CAPN12: variants seen among roughly 807,000 people sequenced by gnomAD.
CAPN12 encodes calpain-12.
Under a neutral mutation model 95.0 loss-of-function variants are expected in CAPN12, and 107 were observed. The observed-to-expected ratio is 1.13, with a 90% CI of 0.96 to 1.32. The LOEUF is 1.32. Ranked by LOEUF, CAPN12 falls within the 40% of genes most tolerant of loss-of-function variation. CAPN12 has a pLI of 0.00. For missense variants in CAPN12, 1,136 were observed against 997.8 expected (o/e 1.14, Z -1.87); for synonymous variants, 505 against 415.5 (o/e 1.22, Z -2.62).
chr19:38,735,908 GGGGCGGGGCGGGGCGGGGCGGGGGT>G (rs1281703072), intron 12 of CAPN12, among the ~76,000 whole-genome samples, 177 bp downstream of exon 12: 1 of 4,224 alleles, frequency 2.4e-4, no homozygotes, highest in African/African-American at 6.6e-4. Flanking sequence ...GGGGGTTCTG[GGGGCGGGGCGGGGCGGGGCGGGGGT>G]TCTGGGGGCG....
chr19:38,742,126 C>T, intron 3 of CAPN12: 1 of 644,050 alleles, frequency 1.6e-6, no homozygotes. Context: ...GAATTCGAGA[C>T]CAGCCTGGCT....
chr19:38,736,184 C>T lies in CAPN12; in HGVS notation c.1509G>A (p.Val503=). The change falls in exon 12 of 21, where the codon GTG becomes GTA. Residue 503 remains valine, a synonymous_variant. Coordinates refer to ENST00000328867, the MANE Select transcript of CAPN12 (RefSeq NM_144691.4). ...CCLRPGHYLV[V]PSTAHAGDEA... is the part of the protein sequence containing the mutation. ...CGTCGCCGGCGTGGGCGGTGCTCGG[C>T]ACCACCAGGTAGTGGCCTGGACGCA... The T allele has an allele frequency of 2.0e-6, 3 of 1,513,386 alleles. No individual in the cohort carries two copies. Among genetic ancestry groups the T allele is most frequent in the Middle Eastern group, 1.9e-4 (1 of 5,252 alleles). 93.7% of individuals were successfully genotyped at this position (1,513,386 alleles called of 1,614,324 possible).
At chr19:38,743,011 C>A in intron 2 of CAPN12, 22 bp downstream of exon 2, 1 of 1,613,318 alleles carries the variant, frequency 6.2e-7, no homozygotes, top group Non-Finnish European at 8.5e-7. Context: ...TCTGAGGACT[C>A]CAGGTGGGTT....
chr19:38,736,841 G>A (rs1970212371), intron 10 of CAPN12: 1 of 576,946 alleles, frequency 1.7e-6, no homozygotes, highest in Admixed American at 3.2e-5. Flanking sequence ...TCGTCCCTCT[G>A]TCTGTCCCTG....
At chr19:38,734,933 G>T in intron 14 of CAPN12, 63 bp from the exon 15 acceptor site, 1 of 1,525,972 alleles carries the variant, frequency 6.6e-7, no homozygotes, top group Non-Finnish European at 9.0e-7. Context: ...GCCAAGCCCT[G>T]TGCTAGGGAC....
In CAPN12 at chr19:38,737,287, C is replaced by G; in HGVS notation, c.1231G>C (p.Gly411Arg). Residue 411 changes from glycine to arginine, a missense_variant, in exon 10 of 21, where the codon GGG becomes CGG. By Grantham distance (125) the Gly-to-Arg change is moderately radical. Coordinates refer to ENST00000328867, the MANE Select transcript of CAPN12 (RefSeq NM_144691.4). ...CCCCCCCGCGCTGGGCCCCGTGCCC[C>G]TGCAGCCCCCCAGCCCCCCCAGGGC... ...EGPWGGWGAA[G>R]ARGPARGGRT... is the part of the protein sequence containing the mutation. The G allele has an allele frequency of 9.1e-6, 14 of 1,534,584 alleles. No individual in the cohort carries two copies. The highest frequency in any genetic ancestry group is 1.1e-5 in the Non-Finnish European group (13 of 1,137,256).
rs779945335 is a variant in CAPN12, at chr19:38,734,859, G to A, written c.1698C>T (p.Leu566=). ...GTAAGGCCTGGAGCTGAGAGGCATT[G>A]AGTTCTTCCTCCTAGTCCAGGAAAG... ...FQELAGEEEE[L]NASQLQALLS... is the part of the protein sequence containing the mutation. Residue 566 remains leucine (L), a synonymous_variant, in exon 15 of 21, where the codon CTC becomes CTT. Coordinates refer to ENST00000328867, the MANE Select transcript of CAPN12 (RefSeq NM_144691.4). 31 of 1,612,628 alleles carry A rather than the reference G, an allele frequency of 1.9e-5. No individual in the cohort carries two copies. Among genetic ancestry groups the A allele is most frequent in the South Asian group, 6.6e-5 (6 of 91,062 alleles).
intron 18 of CAPN12, chr19:38,731,467 C>T (rs556558487): frequency 7.2e-6 from 4 of 557,548 alleles, no homozygotes; most frequent in Admixed American, 3.0e-5. Context: ...CTCAGGACAG[C>T]GTCTGACACG....
At chr19:38,736,498 CCCCA>C (rs1377838058) in intron 11 of CAPN12, 50 bp downstream of exon 11, 2 of 1,581,874 alleles carry the variant, frequency 1.3e-6, no homozygotes, top group African/African-American at 2.7e-5. Context: ...GTTGACCAAG[CCCCA>C]GGGCAGGTTG....
intron 3 of CAPN12, 108 bp from the exon 4 acceptor site, chr19:38,742,018 A>C (rs1017830507): frequency 2.0e-6 from 3 of 1,474,604 alleles, no homozygotes; most frequent in Non-Finnish European, 2.7e-6. Flanking sequence ...CCCCAAGTCA[A>C]CGTTAACTAT....
At chr19:38,733,458 A>T in intron 18 of CAPN12, 1 of 499,376 alleles carries the variant, frequency 2.0e-6, no homozygotes, top group Middle Eastern at 5.3e-4. Context: ...CTGCCCCAGA[A>T]CCCCTACCAG....
At chr19:38,736,054 GGT>G in intron 12 of CAPN12, 54 bp downstream of exon 12, 4 of 1,272,352 alleles carry the variant, frequency 3.1e-6, no homozygotes, top group Non-Finnish European at 4.1e-6. Flanking sequence ...GGGTCTCGGG[GGT>G]CTCGGGGCCT....
At chr19:38,735,917 C>T (rs1444373607) in intron 12 of CAPN12, among the ~76,000 whole-genome samples, 193 bp downstream of exon 12, 1 of 7,094 alleles carries the variant, frequency 1.4e-4, no homozygotes, top group Non-Finnish European at 3.4e-4. Flanking sequence ...GGGGGCGGGG[C>T]GGGGCGGGGC....
At position 38,737,082 on chromosome 19, in the gene CAPN12, C is replaced by T; in HGVS notation, c.1362+74G>A. 2.6e-6 allele frequency: 3 copies of T among 1,162,636 alleles called. No homozygotes were observed. In the Admixed American group the frequency reaches 6.4e-5, roughly 25 times the overall value. 72.0% of individuals were successfully genotyped at this position (1,162,636 alleles called of 1,614,324 possible). A position where few individuals can be genotyped will look rare whatever the true frequency, so the allele number is the denominator to read the frequency against. On this transcript the variant is annotated intron_variant, in intron 10 of 20. Transcript: ENST00000328867. Reference sequence around the variant, plus strand: ...CACTGGCCCCGCCCCTCCATGCCTCCCCCGCTCCTTGGCCCGGCCCCGCCC... The same window carrying T: ...CACTGGCCCCGCCCCTCCATGCCTCTCCCGCTCCTTGGCCCGGCCCCGCCC...
chr19:38,735,569 G>GAA (rs747381789), intron 12 of CAPN12, 25 bp from the exon 13 acceptor site: 1 of 1,606,600 alleles, frequency 6.2e-7, no homozygotes, highest in African/African-American at 1.4e-5. Context: ...TGGGAAGTGG[G>GAA]GAGGGGGCTG....
At position 38,741,689 on chromosome 19, in the gene CAPN12, C is replaced by T. The variant is rs1366567591; in HGVS notation, c.560+88G>A. 4.0e-6 allele frequency: 6 copies of T among 1,513,660 alleles called. No individual in the cohort carries two copies. In the East Asian group the frequency reaches 7.0e-5, roughly 18 times the overall value. The allele number at this position is 1,513,660 out of a possible 1,614,324, so 93.8% of individuals were successfully genotyped here. Reference sequence around the variant, plus strand: ...TCTTGGTGGGGTGTTTGGAGGATTGCAGAGCTTGGGGGACTCTGGGTCCCC... The same window carrying T: ...TCTTGGTGGGGTGTTTGGAGGATTGTAGAGCTTGGGGGACTCTGGGTCCCC... On this transcript the variant is annotated intron_variant, in intron 4 of 20. Coordinates refer to ENST00000328867, the MANE Select transcript of CAPN12 (RefSeq NM_144691.4).
chr19:38,731,828 T>G (rs79014506), intron 18 of CAPN12, among the ~76,000 whole-genome samples: 282 of 152,346 alleles, frequency 1.9e-3, no homozygotes, highest in Non-Finnish European at 3.1e-3. Context: ...TTCTGTGTGT[T>G]CATTCTCTTC....
chr19:38,740,223 T>G lies in CAPN12; in HGVS notation c.561-4A>C, dbSNP rs752595122. The G allele has an allele frequency of 4.9e-5, 79 of 1,597,774 alleles. No individual in the cohort carries two copies. The highest frequency in any genetic ancestry group is 3.3e-4 in the Middle Eastern group (2 of 6,000). On this transcript the variant is annotated splice_region_variant and splice_polypyrimidine_tract_variant and intron_variant, in intron 4 of 20. Transcript: ENST00000328867. Reference sequence around the variant, plus strand: ...CACCTCATAGGAGCCGTGGAGCCTGTGGGGGCAGATCTGGGGTGAGGGTTG... The same window carrying G: ...CACCTCATAGGAGCCGTGGAGCCTGGGGGGGCAGATCTGGGGTGAGGGTTG...
At position 38,738,222 on chromosome 19, in the gene CAPN12, C is replaced by G. The variant is rs773610323; in HGVS notation, c.965+51G>C. 9 of 1,525,540 alleles carry G rather than the reference C, an allele frequency of 5.9e-6. No homozygotes were observed. In the East Asian group the frequency reaches 2.1e-4, roughly 36 times the overall value. The allele number at this position is 1,525,540 out of a possible 1,614,324, so 94.5% of individuals were successfully genotyped here. A position where few individuals can be genotyped will look rare whatever the true frequency, so the allele number is the denominator to read the frequency against. Reference sequence around the variant, plus strand: ...CAACTGGGGCTCGCCCTCCCTGAACCCCTTGGCAGAGACCCTCCCAGAGGC... The same window carrying G: ...CAACTGGGGCTCGCCCTCCCTGAACGCCTTGGCAGAGACCCTCCCAGAGGC... On this transcript the variant is annotated intron_variant, in intron 8 of 20. Coordinates refer to ENST00000328867, the MANE Select transcript of CAPN12 (RefSeq NM_144691.4).
Sources: allele counts gnomAD v4.1 joint callset (sites outside exome capture counted in the v4.1 genomes callset), GRCh38; gene constraint gnomAD v4.1.1; transcripts MANE v1.5; gene names NCBI Gene and HGNC (gene_info 2026-07-23, HGNC 2026-07-21).